The following SNTG1 variants were observed in gnomAD, a reference collection of about 807,000 sequenced individuals.
The protein encoded by SNTG1 is syntrophin gamma 1, also known as gamma-1-syntrophin.
Under a neutral mutation model 74.7 loss-of-function variants are expected in SNTG1, and 39 were observed. The observed-to-expected ratio is 0.52, with a 90% CI of 0.40 to 0.68. The LOEUF (loss-of-function observed/expected upper bound fraction) is 0.68. SNTG1 is among the 30% of genes least tolerant of loss of function. The pLI is 0.00. For synonymous variants in SNTG1, 254 were observed against 217.1 expected (o/e 1.17, Z -1.49); for missense variants, 685 against 609.5 (o/e 1.12, Z -1.30).
intron 1 of SNTG1, among the ~76,000 whole-genome samples, chr8:50,043,039 A>G (rs1818778468): frequency 6.6e-6 from 1 of 152,118 alleles, no homozygotes. Flanking sequence ...TATGATTACT[A>G]GTTTTATTTA....
At chr8:50,484,341 A>C (rs2093771616) in intron 8 of SNTG1, among the ~76,000 whole-genome samples, 1 of 150,942 alleles carries the variant, frequency 6.6e-6, no homozygotes, top group South Asian at 2.1e-4. Flanking sequence ...TCAGCCTCCT[A>C]AGTAGCTGGG....
chr8:50,207,544 G>GT lies in SNTG1; in HGVS notation c.-28+34916dup, dbSNP rs533946610. Among the ~76,000 whole-genome samples, 24 of 152,028 alleles carry GT rather than the reference G, an allele frequency of 1.6e-4. No individual in the cohort carries two copies. The South Asian group carries it at 3.5e-3, about 22-fold the overall frequency. On this transcript the variant is annotated intron_variant, in intron 2 of 18. Coordinates refer to ENST00000642720, the MANE Select transcript of SNTG1 (RefSeq NM_018967.5). ...CCTAGATTCATTGATTTTTTGAAGGGTTTTTTTGTGTCTCTATCTCCTTCA... is the reference window on the plus strand; with the variant it reads ...CCTAGATTCATTGATTTTTTGAAGGGTTTTTTTTGTGTCTCTATCTCCTTCA...
chr8:50,186,693 C>T (rs1028924699), intron 2 of SNTG1, among the ~76,000 whole-genome samples: 3 of 151,670 alleles, frequency 2.0e-5, no homozygotes, highest in African/African-American at 7.3e-5. Context: ...AGTGTCTGTT[C>T]ATATCCTTTT....
intron 17 of SNTG1, among the ~76,000 whole-genome samples, chr8:50,724,923 C>T (rs2095496401): frequency 6.6e-6 from 1 of 152,012 alleles, no homozygotes. Context: ...ATGGAAAAAA[C>T]AGTTATTAGA....
chr8:50,306,390 C>T (rs1453073612), intron 2 of SNTG1, among the ~76,000 whole-genome samples: 3 of 151,880 alleles, frequency 2.0e-5, no homozygotes, highest in Admixed American at 6.6e-5. Flanking sequence ...ATAATAACTC[C>T]TTTTTCTTTG....
At chr8:50,207,037 T>G (rs184674014) in intron 2 of SNTG1, among the ~76,000 whole-genome samples, 2 of 152,286 alleles carry the variant, frequency 1.3e-5, no homozygotes, top group East Asian at 3.9e-4. Context: ...CTTTTTTTGT[T>G]GTGTCTCTGC....
intron 1 of SNTG1, among the ~76,000 whole-genome samples, chr8:49,995,253 C>T (rs2130369381): frequency 6.6e-6 from 1 of 152,236 alleles, no homozygotes; most frequent in South Asian, 2.1e-4. Context: ...AAAGAAAGGA[C>T]AGTTGCAGCT....
intron 13 of SNTG1, among the ~76,000 whole-genome samples, chr8:50,602,492 G>C (rs1051300538): frequency 2.0e-5 from 3 of 152,002 alleles, no homozygotes; most frequent in Admixed American, 2.0e-4. Flanking sequence ...TATTATTTTT[G>C]ATTGGTTTAT....
chr8:50,301,140 T>C (rs1318246607), intron 2 of SNTG1, among the ~76,000 whole-genome samples: 1 of 152,086 alleles, frequency 6.6e-6, no homozygotes, highest in Non-Finnish European at 1.5e-5. Context: ...AAGTTTTTAT[T>C]CATTATTTTT....
intron 2 of SNTG1, among the ~76,000 whole-genome samples, chr8:50,212,516 A>G (rs1454411571): frequency 6.6e-6 from 1 of 152,176 alleles, no homozygotes; most frequent in Non-Finnish European, 1.5e-5. Context: ...ACAGAAAGAT[A>G]CAGATCCATG....
chr8:50,332,441 CTTG>C (rs2091001954), intron 2 of SNTG1, among the ~76,000 whole-genome samples: 1 of 150,314 alleles, frequency 6.7e-6, no homozygotes, highest in Non-Finnish European at 1.5e-5. Flanking sequence ...TTACTTAAGC[CTTG>C]TTTTTTTTTT....
At chr8:50,419,789 T>G (rs531572738) in intron 4 of SNTG1, among the ~76,000 whole-genome samples, 1 of 152,284 alleles carries the variant, frequency 6.6e-6, no homozygotes, top group African/African-American at 2.4e-5. Context: ...TTGCTATATA[T>G]TAGTTACAAA....
intron 2 of SNTG1, among the ~76,000 whole-genome samples, chr8:50,258,570 A>T (rs116165570): frequency 1.5e-3 from 222 of 152,284 alleles, no homozygotes; most frequent in African/African-American, 5.0e-3. Context: ...TAACTAGAGA[A>T]TATCAACAAA....
At chr8:50,718,399 G>A (rs747843209) in intron 17 of SNTG1, among the ~76,000 whole-genome samples, 3 of 152,176 alleles carry the variant, frequency 2.0e-5, no homozygotes, top group Non-Finnish European at 2.9e-5. Flanking sequence ...AACGCATAAT[G>A]ACTATGCATC....
chr8:50,159,670 G>A (rs4873409), intron 1 of SNTG1, among the ~76,000 whole-genome samples: 7,079 of 152,158 alleles, frequency 0.047, 389 homozygotes, highest in South Asian at 0.14. Context: ...TTGTTTTGCA[G>A]CTTCAATGAA....
intron 1 of SNTG1, among the ~76,000 whole-genome samples, chr8:50,016,798 A>C (rs957013094): frequency 6.6e-6 from 1 of 152,192 alleles, no homozygotes; most frequent in Non-Finnish European, 1.5e-5. Context: ...GATGTATAAC[A>C]AACCACATTT....
rs1200025353 is a variant in SNTG1, at chr8:50,073,832, T to G, written c.-102-98729T>G. 2.0e-5 allele frequency among the ~76,000 whole-genome samples: 3 copies of G among 151,574 alleles called. No individual in the cohort carries two copies. The South Asian group carries it at 6.3e-4, about 32-fold the overall frequency. ...TTGAAAGAGATTTTTTAATTTTAATTTTTTTCTGAGAAGCAGGTCTTAACA... is the reference window on the plus strand; with the variant it reads ...TTGAAAGAGATTTTTTAATTTTAATGTTTTTCTGAGAAGCAGGTCTTAACA... On this transcript the variant is annotated intron_variant, in intron 1 of 18. Transcript: ENST00000642720.
chr8:50,331,265 C>A (rs897938717), intron 2 of SNTG1, among the ~76,000 whole-genome samples: 1 of 152,042 alleles, frequency 6.6e-6, no homozygotes, highest in African/African-American at 2.4e-5. Flanking sequence ...AGCAGCACAC[C>A]TTGTGGGGCT....
intron 15 of SNTG1, among the ~76,000 whole-genome samples, chr8:50,688,329 C>T (rs559567823): frequency 4.6e-5 from 7 of 152,220 alleles, no homozygotes; most frequent in Admixed American, 1.3e-4. Flanking sequence ...GAAGTCCTCG[C>T]CCATGCCTAT....
Sources: allele counts gnomAD v4.1 joint callset (sites outside exome capture counted in the v4.1 genomes callset), GRCh38; gene constraint gnomAD v4.1.1; transcripts MANE v1.5; gene names NCBI Gene and HGNC (gene_info 2026-07-23, HGNC 2026-07-21).